Variants in LAMC3 observed in about 807,000 individuals in gnomAD.
The protein encoded by LAMC3 is laminin subunit gamma-3.
In LAMC3, 128 loss-of-function variants were observed where a neutral mutation model predicts 173.8. The observed-to-expected ratio is 0.74, with a 90% CI of 0.64 to 0.85. The LOEUF is 0.85. LAMC3 is among the 40% of genes least tolerant of loss of function. LAMC3 has a pLI of 0.00. For synonymous variants in LAMC3, 897 were observed against 909.1 expected, an observed-to-expected ratio of 0.99 and a Z score of 0.24; for missense variants, 2,022 against 2,156.0, an observed-to-expected ratio of 0.94 and a Z score of 1.23.
chr9:131,046,260 T>C (rs1834155980), intron 8 of LAMC3, among the ~76,000 whole-genome samples: 1 of 146,110 alleles, frequency 6.8e-6, no homozygotes, highest in Non-Finnish European at 1.5e-5. Context: ...TGGTGCAAGA[T>C]TGCACAGCAC....
chr9:131,011,120 C>T lies in LAMC3; in HGVS notation c.373+1533C>T, dbSNP rs140120331. On this transcript the variant is annotated intron_variant, in intron 1 of 27. Coordinates refer to ENST00000361069, the MANE Select transcript of LAMC3 (RefSeq NM_006059.4). Reference sequence around the variant, plus strand: ...ATGCTAGTGAGAATGAATATTCATTCGCTTTGCTACTGAAATCTCATTTGA... The same window carrying T: ...ATGCTAGTGAGAATGAATATTCATTTGCTTTGCTACTGAAATCTCATTTGA... Among the ~76,000 whole-genome samples the T allele has an allele frequency of 3.4e-3, 521 of 152,342 alleles. 3 individuals are homozygous for T. Among genetic ancestry groups the T allele is most frequent in the African/African-American group, 0.012 (500 of 41,572 alleles).
In LAMC3 at chr9:131,061,081, C is replaced by T; in HGVS notation, c.2205C>T (p.Arg735=). 6.2e-7 allele frequency: 1 copy of T among 1,614,182 alleles called. No homozygotes were observed. Among genetic ancestry groups the T allele is most frequent in the Non-Finnish European group, 8.5e-7 (1 of 1,180,038 alleles). The change falls in exon 13 of 28, where the codon CGC becomes CGT. Residue 735 remains arginine (R), a synonymous_variant. Coordinates refer to ENST00000361069, the MANE Select transcript of LAMC3 (RefSeq NM_006059.4). ...SHHTEGPSCE[R]CLPGFYGNPF... is the part of the protein sequence containing the mutation. ...ATACCGAGGGCCCATCCTGTGAACG[C>T]TGTTTGCCAGGTTTCTATGGCAACC...
chr9:131,087,762 G>A lies in LAMC3; in HGVS notation c.4422G>A (p.Ser1474=), dbSNP rs188088047. Residue 1474 remains serine (S), a synonymous_variant, in exon 27 of 28, where the codon TCG becomes TCA. Transcript: ENST00000361069. ...LSEMEQQIRE[S]RISLEKDIET... ...AGATGGAGCAGCAGATCCGGGAATC[G>A]CGTATCTCACTGGAGAAGGACATCG... is the stretch of plus-strand genomic sequence containing the variant. The A allele has an allele frequency of 1.0e-4, 162 of 1,614,158 alleles. No homozygotes were observed. The highest frequency in any genetic ancestry group is 6.7e-4 in the East Asian group (30 of 44,878).
intron 8 of LAMC3, among the ~76,000 whole-genome samples, chr9:131,048,152 G>A (rs937854838): frequency 1.3e-5 from 2 of 149,820 alleles, no homozygotes; most frequent in Non-Finnish European, 3.0e-5. Context: ...CGCCTCTCGG[G>A]TTCAGGCGAT....
chr9:131,088,585 C>T lies in LAMC3; in HGVS notation c.4477+768C>T, dbSNP rs142576038. Among the ~76,000 whole-genome samples, 129 of 152,256 alleles carry T rather than the reference C, an allele frequency of 8.5e-4. 1 individual carries two copies. Among genetic ancestry groups the T allele is most frequent in the African/African-American group, 2.9e-3 (121 of 41,542 alleles). On this transcript the variant is annotated intron_variant, in intron 27 of 27. Coordinates refer to ENST00000361069, the MANE Select transcript of LAMC3 (RefSeq NM_006059.4). ...TATTTTTTTCAAATTGTAAAAGACA[C>T]ATAATATTTTCCATCTTAACCATTT...
chr9:131,046,473 T>C (rs2133269385), intron 8 of LAMC3, among the ~76,000 whole-genome samples: 1 of 149,220 alleles, frequency 6.7e-6, no homozygotes, highest in Non-Finnish European at 1.5e-5. Context: ...CCTCCCAAAA[T>C]GCTGGGACTA....
At chr9:131,046,180 C>CTTTT (rs61108655) in intron 8 of LAMC3, among the ~76,000 whole-genome samples, 27 of 76,550 alleles carry the variant, frequency 3.5e-4, no homozygotes, top group African/African-American at 1.2e-3. Flanking sequence ...AGTTTTGCTC[C>CTTTT]TTTTTTTTTT....
At chr9:131,027,847 A>G (rs1833753030) in intron 2 of LAMC3, among the ~76,000 whole-genome samples, 1 of 152,180 alleles carries the variant, frequency 6.6e-6, no homozygotes, top group African/African-American at 2.4e-5. Context: ...TCGCCATGTC[A>G]GTCCATTCAG....
Position 131,056,746 on chromosome 9 carries a change from C to T in LAMC3, c.1940-183C>T, listed in dbSNP as rs112577589. 1.9e-3 allele frequency among the ~76,000 whole-genome samples: 285 copies of T among 152,144 alleles called. 1 individual carries two copies. The highest frequency in any genetic ancestry group is 6.7e-3 in the African/African-American group (279 of 41,494). ...AGTCGAGGCTACAGAGCTATGATTGCACCACTGCACTCTAGCCTGAGTGAC... is the reference window on the plus strand; with the variant it reads ...AGTCGAGGCTACAGAGCTATGATTGTACCACTGCACTCTAGCCTGAGTGAC... On this transcript the variant is annotated intron_variant, in intron 11 of 27. Transcript: ENST00000361069.
At chr9:131,033,791 G>A (rs1387994615) in intron 3 of LAMC3, among the ~76,000 whole-genome samples, 2 of 152,136 alleles carry the variant, frequency 1.3e-5, no homozygotes, top group African/African-American at 4.8e-5. Context: ...AGCTCTGTGT[G>A]TGAACCATGG....
chr9:131,075,743 G>A (rs1014429129), intron 20 of LAMC3, 88 bp from the exon 21 acceptor site: 9 of 1,428,880 alleles, frequency 6.3e-6, no homozygotes, highest in Non-Finnish European at 8.6e-6. Flanking sequence ...GGGGCAGCAG[G>A]AGGCCTGTGT....
Position 131,089,544 on chromosome 9 carries a change from ATTTTTTTT to A in LAMC3, c.4477+1740_4477+1747del, listed in dbSNP as rs59946569. 7.9e-5 allele frequency among the ~76,000 whole-genome samples: 11 copies of A among 139,188 alleles called. No individual in the cohort carries two copies. The East Asian group carries it at 2.3e-3, about 29-fold the overall frequency. 91.3% of individuals were successfully genotyped at this position (139,188 alleles called of 152,430 possible). ...AGGCACGCACCACCACACCCAGCTA[ATTTTTTTT>A]TTTTTTTTTTTTGGAGACAAAAAAA... is the stretch of plus-strand genomic sequence containing the variant. On this transcript the variant is annotated intron_variant, in intron 27 of 27. Coordinates refer to ENST00000361069, the MANE Select transcript of LAMC3 (RefSeq NM_006059.4).
chr9:131,012,880 C>T (rs1224432948), intron 1 of LAMC3, among the ~76,000 whole-genome samples: 2 of 152,372 alleles, frequency 1.3e-5, no homozygotes, highest in East Asian at 1.9e-4. Context: ...CCCAGCCCCC[C>T]GTGGCTCCTG....
At chr9:131,030,385 G>A (rs1833804151) in intron 2 of LAMC3, among the ~76,000 whole-genome samples, 2 of 152,178 alleles carry the variant, frequency 1.3e-5, no homozygotes, top group South Asian at 4.1e-4. Flanking sequence ...CAGGTCACAG[G>A]CCAGGAAGCA....
Position 131,069,709 on chromosome 9 carries a change from G to A in LAMC3, c.2928G>A (p.Gln976=), listed in dbSNP as rs780546457. ...CCCCACTGGGCGCTGCCTCGGCCCA[G>A]TGCCACGAGAACGGCACATGCGTGT... is the stretch of plus-strand genomic sequence containing the variant. ...RCSPLGAASA[Q]CHENGTCVCR... The change falls in exon 17 of 28, where the codon CAG becomes CAA. Residue 976 remains glutamine (Q), a synonymous_variant. Transcript: ENST00000361069. 1.2e-6 allele frequency: 2 copies of A among 1,604,730 alleles called. No homozygotes were observed. Among genetic ancestry groups the A allele is most frequent in the Admixed American group, 1.7e-5 (1 of 58,862 alleles).
intron 3 of LAMC3, among the ~76,000 whole-genome samples, chr9:131,033,129 G>A (rs1268759002): frequency 6.6e-6 from 1 of 152,164 alleles, no homozygotes; most frequent in Non-Finnish European, 1.5e-5. Flanking sequence ...GGAAGCAGGG[G>A]CTGCCTAGGA....
intron 27 of LAMC3, among the ~76,000 whole-genome samples, chr9:131,088,356 G>A (rs1439468638): frequency 3.3e-5 from 5 of 152,128 alleles, no homozygotes; most frequent in African/African-American, 7.2e-5. Flanking sequence ...TTTAGAAAGC[G>A]CTTACCACGG....
At chr9:131,049,443 C>T (rs1008063417) in intron 9 of LAMC3, among the ~76,000 whole-genome samples, 4 of 152,146 alleles carry the variant, frequency 2.6e-5, no homozygotes, top group African/African-American at 9.7e-5. Flanking sequence ...CACCAACTCC[C>T]CTGCCTCCCT....
chr9:131,058,919 G>A (rs2133294833), intron 12 of LAMC3, among the ~76,000 whole-genome samples: 1 of 150,580 alleles, frequency 6.6e-6, no homozygotes, highest in Middle Eastern at 3.4e-3. Flanking sequence ...AAAAGAAGAG[G>A]CCAGACTTGG....
Sources: gnomAD v4.1 joint callset for allele counts (sites outside exome capture counted in the v4.1 genomes callset) on GRCh38, gnomAD v4.1.1 for gene constraint, MANE v1.5 for transcripts, NCBI Gene and HGNC (gene_info 2026-07-23, HGNC 2026-07-21) for gene names.